Variants in EPHA5 observed in about 807,000 individuals in gnomAD.
EPHA5 encodes ephrin type-A receptor 5.
Under a neutral mutation model 105.0 loss-of-function variants are expected in EPHA5, and 60 were observed. The ratio of observed to expected loss-of-function variants is 0.57; its 90% CI spans 0.46 to 0.71. The LOEUF (loss-of-function observed/expected upper bound fraction) is 0.71, where lower values mean the gene tolerates loss of function less well. Ranked by LOEUF, EPHA5 falls within the 30% of genes least tolerant of loss-of-function variation. The pLI, the probability that EPHA5 is intolerant of heterozygous loss-of-function variation, is 0.00. For missense variants in EPHA5, 1,218 were observed against 1,274.7 expected, an observed-to-expected ratio of 0.96 and a Z score of 0.68; for synonymous variants, 513 against 449.1, an observed-to-expected ratio of 1.14 and a Z score of -1.80.
At chr4:65,561,406 T>C (rs1391116989) in intron 3 of EPHA5, among the ~76,000 whole-genome samples, 1 of 152,026 alleles carries the variant, frequency 6.6e-6, no homozygotes, top group Non-Finnish European at 1.5e-5. Flanking sequence ...TAGTCTCTCA[T>C]TGTCCCTCTG....
At chr4:65,427,227 G>A (rs1381401606) in intron 5 of EPHA5, among the ~76,000 whole-genome samples, 1 of 126,386 alleles carries the variant, frequency 7.9e-6, no homozygotes, top group African/African-American at 3.0e-5. Flanking sequence ...CTCTGTCACC[G>A]AGGCTAGAGT....
At chr4:65,524,662 G>A (rs181480338) in intron 3 of EPHA5, among the ~76,000 whole-genome samples, 1 of 151,746 alleles carries the variant, frequency 6.6e-6, no homozygotes, top group Non-Finnish European at 1.5e-5. Context: ...TTAAATATTT[G>A]CAAGTGCATA....
chr4:65,669,838 G>C lies in EPHA5; in HGVS notation c.-96C>G. ...GAAGGGAGACTCGGGAGTCCTCCTT[G>C]TCCCCCCTTGGGGTCCTACGCCTTC... On this transcript the variant is annotated 5_prime_UTR_variant, in exon 1 of 17. Coordinates refer to ENST00000613740, the MANE Select transcript of EPHA5 (RefSeq NM_001281766.3). The C allele has an allele frequency of 8.1e-7, 1 of 1,232,732 alleles. No individual in the cohort carries two copies. Among genetic ancestry groups the C allele is most frequent in the Non-Finnish European group, 1.0e-6 (1 of 988,700 alleles). The allele number at this position is 1,232,732 out of a possible 1,614,324, so 76.4% of individuals were successfully genotyped here. A position where few individuals can be genotyped will look rare whatever the true frequency, so the allele number is the denominator to read the frequency against.
rs779738574 is a variant in EPHA5, at chr4:65,336,110, C to T, written c.2611G>A (p.Glu871Lys). 4.3e-6 allele frequency: 7 copies of T among 1,610,918 alleles called. No homozygotes were observed. The South Asian group carries it at 7.7e-5, about 18-fold the overall frequency. The change falls in exon 15 of 17, where the codon GAG (glutamate) becomes AAG (lysine). Residue 871 changes from glutamate (E) to lysine (K), a missense_variant. Transcript: ENST00000613740. Reference sequence around the variant, plus strand: ...GGGCTTGGCAGACGATAGCCTTCCTCTACCGCTTTAATCACCTGTATAAAG... The same window carrying T: ...GGGCTTGGCAGACGATAGCCTTCCTTTACCGCTTTAATCACCTGTATAAAG... ...MTNQDVIKAV[E>K]EGYRLPSPMD...
chr4:65,451,978 T>G (rs1727112782), intron 5 of EPHA5, among the ~76,000 whole-genome samples: 1 of 152,178 alleles, frequency 6.6e-6, no homozygotes, highest in Non-Finnish European at 1.5e-5. Flanking sequence ...TATTATCTTG[T>G]TAGTTAAAGC....
intron 5 of EPHA5, among the ~76,000 whole-genome samples, chr4:65,458,193 C>T (rs1025637931): frequency 5.3e-5 from 8 of 151,186 alleles, no homozygotes; most frequent in Non-Finnish European, 1.0e-4. Context: ...ATTCTTTGCA[C>T]TTATTTTATC....
At chr4:65,545,987 C>G (rs1737332822) in intron 3 of EPHA5, among the ~76,000 whole-genome samples, 9 of 151,876 alleles carry the variant, frequency 5.9e-5, no homozygotes, top group Admixed American at 5.9e-4. Context: ...TACAGATTTC[C>G]AGGCCATAAG....
At chr4:65,533,982 A>C in intron 3 of EPHA5, among the ~76,000 whole-genome samples, 1 of 151,938 alleles carries the variant, frequency 6.6e-6, no homozygotes, top group East Asian at 1.9e-4. Flanking sequence ...AAAAGAAAAG[A>C]GATGGGTTTA....
At chr4:65,442,550 C>A (rs1578127585) in intron 5 of EPHA5, among the ~76,000 whole-genome samples, 1 of 152,172 alleles carries the variant, frequency 6.6e-6, no homozygotes, top group Non-Finnish European at 1.5e-5. Flanking sequence ...CTCCACAAAT[C>A]TATATATCAG....
Position 65,664,388 on chromosome 4 carries a change from ATTACT to A in EPHA5, c.181+5169_181+5173del, listed in dbSNP as rs374892118. ...CATCTCACTCAATAAATGTTTGTTG[ATTACT>A]TTAAAGATAGGTACTAATAATTTTT... On this transcript the variant is annotated intron_variant, in intron 1 of 16. Transcript: ENST00000613740. Among the ~76,000 whole-genome samples the A allele has an allele frequency of 3.1e-3, 469 of 152,020 alleles. 1 individual carries two copies. Among genetic ancestry groups the A allele is most frequent in the Non-Finnish European group, 4.5e-3 (308 of 67,798 alleles).
At chr4:65,425,049 T>A (rs557946881) in intron 5 of EPHA5, among the ~76,000 whole-genome samples, 15 of 152,076 alleles carry the variant, frequency 9.9e-5, no homozygotes, top group South Asian at 4.2e-4. Context: ...TTTAAAAAAA[T>A]AAATAAATAA....
chr4:65,378,822 T>C (rs1488177274), intron 8 of EPHA5, among the ~76,000 whole-genome samples: 1 of 151,858 alleles, frequency 6.6e-6, no homozygotes, highest in Admixed American at 6.6e-5. Context: ...TTAAACACAA[T>C]GATTGACACT....
intron 2 of EPHA5, among the ~76,000 whole-genome samples, chr4:65,607,456 C>T (rs1370270718): frequency 2.1e-5 from 3 of 145,096 alleles, no homozygotes; most frequent in African/African-American, 4.9e-5. Context: ...CAGAATCTAC[C>T]CCCCAAAAAA....
intron 3 of EPHA5, among the ~76,000 whole-genome samples, chr4:65,572,928 G>C (rs1260051504): frequency 1.3e-5 from 2 of 151,932 alleles, no homozygotes; most frequent in African/African-American, 4.8e-5. Flanking sequence ...CTACTCAGGA[G>C]ACTTAGGCAA....
chr4:65,473,885 C>CTTT (rs35439573), intron 5 of EPHA5, among the ~76,000 whole-genome samples: 57 of 144,436 alleles, frequency 3.9e-4, no homozygotes, highest in Middle Eastern at 3.6e-3. Context: ...TTTGTAAGGG[C>CTTT]TTTTTTTTTT....
intron 2 of EPHA5, among the ~76,000 whole-genome samples, chr4:65,632,624 T>A (rs1200078327): frequency 1.3e-5 from 2 of 151,680 alleles, no homozygotes; most frequent in African/African-American, 4.8e-5. Context: ...AATCAGTAAC[T>A]GATATAGGTA....
intron 3 of EPHA5, among the ~76,000 whole-genome samples, chr4:65,525,305 A>G (rs750698211): frequency 2.6e-5 from 4 of 151,840 alleles, no homozygotes; most frequent in Non-Finnish European, 4.4e-5. Flanking sequence ...ATATAATTTC[A>G]TTCATTCATT....
intron 7 of EPHA5, among the ~76,000 whole-genome samples, chr4:65,414,012 A>T (rs1013689099): frequency 2.6e-5 from 4 of 152,204 alleles, no homozygotes; most frequent in African/African-American, 9.6e-5. Context: ...CAGTAGAAAG[A>T]AAGTCTTTAA....
intron 5 of EPHA5, among the ~76,000 whole-genome samples, chr4:65,489,721 T>C (rs957579622): frequency 6.6e-6 from 1 of 152,216 alleles, no homozygotes; most frequent in African/African-American, 2.4e-5. Context: ...GGGGAAAATA[T>C]AGACAAATCA....
Sources: gnomAD v4.1 joint callset for allele counts (sites outside exome capture counted in the v4.1 genomes callset) on GRCh38, gnomAD v4.1.1 for gene constraint, MANE v1.5 for transcripts, NCBI Gene and HGNC (gene_info 2026-07-23, HGNC 2026-07-21) for gene names.